Variants in ATP8B1 observed in about 807,000 individuals in gnomAD.
The protein encoded by ATP8B1 is ATPase phospholipid transporting 8B1, also known as phospholipid-transporting ATPase IC.
A neutral mutation model predicts 149.9 loss-of-function variants in ATP8B1; 80 were observed. The observed-to-expected ratio is 0.53, with a 90% confidence interval of 0.45 to 0.64. ATP8B1 has a LOEUF of 0.64. Among genes scored for constraint, ATP8B1 ranks in the 30% least tolerant of loss-of-function variants. ATP8B1 has a pLI of 0.00. For missense variants in ATP8B1, 1,247 were observed against 1,552.6 expected, an observed-to-expected ratio of 0.80 and a Z score of 3.31; for synonymous variants, 536 against 562.8, an observed-to-expected ratio of 0.95 and a Z score of 0.67.
At chr18:57,775,696 G>A (rs1429769890) in intron 1 of ATP8B1, among the ~76,000 whole-genome samples, 1 of 146,990 alleles carries the variant, frequency 6.8e-6, no homozygotes, top group African/African-American at 2.5e-5. Flanking sequence ...CCAGGCTGGA[G>A]TGCAATGGTG....
chr18:57,752,063 T>C (rs1403129629), intron 1 of ATP8B1, among the ~76,000 whole-genome samples: 1 of 151,526 alleles, frequency 6.6e-6, no homozygotes, highest in African/African-American at 2.4e-5. Flanking sequence ...AAAAATTAGC[T>C]GGGAATTATG....
Position 57,784,065 on chromosome 18 carries a change from C to T in ATP8B1, c.-26+18933G>A, listed in dbSNP as rs545938198. On this transcript the variant is annotated intron_variant, in intron 1 of 27. Transcript: ENST00000648908. The surrounding 1 kb of genome is among the most constrained non-coding windows in gnomAD (Gnocchi z 4.4). Reference sequence around the variant, plus strand: ...TTTTTACTGGGGTGGGCAGAGACTACGCTGAAGAAATGACATTTGGGCCAA... The same window carrying T: ...TTTTTACTGGGGTGGGCAGAGACTATGCTGAAGAAATGACATTTGGGCCAA... Among the ~76,000 whole-genome samples the T allele has an allele frequency of 3.9e-5, 6 of 152,198 alleles. No individual in the cohort carries two copies. The highest frequency in any genetic ancestry group is 1.9e-4 in the East Asian group (1 of 5,182).
intron 1 of ATP8B1, among the ~76,000 whole-genome samples, chr18:57,797,345 C>G (rs1298766178): frequency 6.6e-6 from 1 of 152,188 alleles, no homozygotes; most frequent in African/African-American, 2.4e-5. Context: ...AAGCTACTAG[C>G]CAAAGGTCAG....
chr18:57,737,606 A>G (rs377310843), intron 1 of ATP8B1, among the ~76,000 whole-genome samples: 18 of 148,180 alleles, frequency 1.2e-4, no homozygotes, highest in South Asian at 6.4e-4. Context: ...GGCTCTCCCT[A>G]TGTTCCTCAG....
intron 13 of ATP8B1, among the ~76,000 whole-genome samples, chr18:57,687,773 A>ATTTTTTTT (rs11342488): frequency 1.0e-5 from 1 of 95,244 alleles, no homozygotes; most frequent in African/African-American, 3.9e-5. Context: ...GAGACTTCTA[A>ATTTTTTTT]TTTTTTTTTT....
chr18:57,698,432 C>T (rs1912940729), intron 6 of ATP8B1, among the ~76,000 whole-genome samples: 1 of 152,128 alleles, frequency 6.6e-6, no homozygotes, highest in East Asian at 1.9e-4. Context: ...CAACTTCTGC[C>T]TCCTGGGGTT....
chr18:57,715,996 G>T (rs1232225980), intron 2 of ATP8B1, among the ~76,000 whole-genome samples: 1 of 152,048 alleles, frequency 6.6e-6, no homozygotes, highest in Non-Finnish European at 1.5e-5. Flanking sequence ...ATGACTAAAA[G>T]ATTAACTGAT....
At chr18:57,776,091 T>C (rs376210295) in intron 1 of ATP8B1, among the ~76,000 whole-genome samples, 9 of 152,340 alleles carry the variant, frequency 5.9e-5, no homozygotes, top group African/African-American at 2.2e-4. Flanking sequence ...CATCATTTGT[T>C]GGCTGCTTTC....
At chr18:57,792,854 A>G (rs1320445590) in intron 1 of ATP8B1, among the ~76,000 whole-genome samples, 2 of 152,266 alleles carry the variant, frequency 1.3e-5, no homozygotes, top group Middle Eastern at 3.4e-3. Flanking sequence ...AAAGACAAAC[A>G]GGATAGGGAG....
intron 19 of ATP8B1, chr18:57,667,940 G>T: frequency 2.0e-6 from 1 of 507,892 alleles, no homozygotes; most frequent in Non-Finnish European, 3.0e-6. Context: ...ACAAAGTAAA[G>T]TATCAATACC....
Position 57,648,397 on chromosome 18 carries a change from A to C in ATP8B1, c.*91T>G. The stretch of plus-strand genomic sequence containing the variant: ...ATTGTCTTCAATATCTTTGTGATGA[A>C]TGCAATTCACACACACACACAAAGT... On this transcript the variant is annotated 3_prime_UTR_variant, in exon 28 of 28. Transcript: ENST00000648908. 3 of 1,369,880 alleles carry C rather than the reference A, an allele frequency of 2.2e-6. No homozygotes were observed. The highest frequency in any genetic ancestry group is 3.1e-6 in the Non-Finnish European group (3 of 964,022). 84.9% of individuals were successfully genotyped at this position (1,369,880 alleles called of 1,614,324 possible). A position where few individuals can be genotyped will look rare whatever the true frequency, so the allele number is the denominator to read the frequency against.
intron 1 of ATP8B1, among the ~76,000 whole-genome samples, chr18:57,772,393 C>T (rs537776707): frequency 6.6e-6 from 1 of 152,254 alleles, no homozygotes; most frequent in East Asian, 1.9e-4. Context: ...AGGAGAAAGG[C>T]ATTTCTGGAA....
intron 16 of ATP8B1, among the ~76,000 whole-genome samples, chr18:57,672,976 C>CAT (rs1911351467): frequency 2.9e-5 from 1 of 34,972 alleles, no homozygotes; most frequent in Non-Finnish European, 5.0e-5. Context: ...TACATATATA[C>CAT]ACACATATAT....
At position 57,658,849 on chromosome 18, in the gene ATP8B1, A is replaced by G. The variant is rs72942297; in HGVS notation, c.2707+2325T>C. 2.0e-5 allele frequency among the ~76,000 whole-genome samples: 3 copies of G among 152,032 alleles called. No individual in the cohort carries two copies. The East Asian group carries it at 5.8e-4, about 29-fold the overall frequency. On this transcript the variant is annotated intron_variant, in intron 22 of 27. Coordinates refer to ENST00000648908, the MANE Select transcript of ATP8B1 (RefSeq NM_001374385.1). The stretch of plus-strand genomic sequence containing the variant: ...TTGGCTAAACTTTCTGTATATTGTT[A>G]TTGATGTGGTTGGAAGAAATGACAG...
chr18:57,673,626 G>A (rs1464315816), intron 16 of ATP8B1, among the ~76,000 whole-genome samples: 1 of 151,218 alleles, frequency 6.6e-6, no homozygotes, highest in Non-Finnish European at 1.5e-5. Flanking sequence ...ATATATATGT[G>A]TGTATATATA....
intron 1 of ATP8B1, among the ~76,000 whole-genome samples, chr18:57,770,189 C>T (rs2080252713): frequency 6.6e-6 from 1 of 151,940 alleles, no homozygotes; most frequent in Non-Finnish European, 1.5e-5. Flanking sequence ...CTGCCTCAGC[C>T]TCCTGAGTAG....
At chr18:57,800,809 T>A (rs774933921) in intron 1 of ATP8B1, among the ~76,000 whole-genome samples, 1 of 152,344 alleles carries the variant, frequency 6.6e-6, no homozygotes, top group East Asian at 1.9e-4. Flanking sequence ...TGGGCATTTT[T>A]ATATTTTCCA....
chr18:57,704,478 A>T, intron 4 of ATP8B1, 77 bp downstream of exon 4: 2 of 1,001,074 alleles, frequency 2.0e-6, no homozygotes, highest in Non-Finnish European at 1.6e-6. Flanking sequence ...AAGATTATTC[A>T]CATTATATGT....
At position 57,783,583 on chromosome 18, in the gene ATP8B1, C is replaced by T. The variant is rs574947699; in HGVS notation, c.-26+19415G>A. Among the ~76,000 whole-genome samples, 14 of 152,286 alleles carry T rather than the reference C, an allele frequency of 9.2e-5. No individual in the cohort carries two copies. In the South Asian group the frequency reaches 1.9e-3, roughly 20 times the overall value. On this transcript the variant is annotated intron_variant, in intron 1 of 27. Coordinates refer to ENST00000648908, the MANE Select transcript of ATP8B1 (RefSeq NM_001374385.1). ...GGGCATAGTGGCTCATACCTGCAAT[C>T]CCAGCAATTTGGGAGGCCAAGGCAG...
Sources: gnomAD v4.1 joint callset for allele counts (sites outside exome capture counted in the v4.1 genomes callset) on GRCh38, gnomAD v4.1.1 for gene constraint, Gnocchi (gnomAD v3.1) non-coding constraint, MANE v1.5 for transcripts, NCBI Gene and HGNC (gene_info 2026-07-23, HGNC 2026-07-21) for gene names.